Variants in WDR59 observed in about 807,000 individuals in gnomAD.
WDR59 encodes the protein GATOR2 complex protein WDR59.
In WDR59, 100 loss-of-function variants were observed where a neutral mutation model predicts 131.2. That is an observed-to-expected ratio of 0.76 (90% CI 0.65 to 0.90). The LOEUF (loss-of-function observed/expected upper bound fraction) is 0.90, where lower values mean the gene tolerates loss of function less well. WDR59 is among the 40% of genes least tolerant of loss of function. The probability of loss-of-function intolerance (pLI) is 0.00; values close to 1 mark genes in which losing one functional copy is unlikely to be tolerated. For missense variants in WDR59, 1,203 were observed against 1,262.2 expected, an observed-to-expected ratio of 0.95 and a Z score of 0.71; for synonymous variants, 601 against 466.2, an observed-to-expected ratio of 1.29 and a Z score of -3.72.
intron 8 of WDR59, among the ~76,000 whole-genome samples, chr16:74,924,385 C>T (rs1397744458): frequency 6.6e-6 from 1 of 152,148 alleles, no homozygotes; most frequent in Non-Finnish European, 1.5e-5. Context: ...ACATTTCAGA[C>T]ATATATTTAG....
chr16:74,965,381 A>C (rs908536155), intron 2 of WDR59, among the ~76,000 whole-genome samples: 1 of 152,192 alleles, frequency 6.6e-6, no homozygotes, highest in African/African-American at 2.4e-5. Flanking sequence ...AAACTGAATA[A>C]ATGTCCAGGG....
At chr16:74,950,474 G>A (rs1256653387) in intron 4 of WDR59, among the ~76,000 whole-genome samples, 4 of 152,184 alleles carry the variant, frequency 2.6e-5, no homozygotes, top group Admixed American at 2.6e-4. Context: ...TTAAGCAGCG[G>A]CAAACTGCCA....
intron 1 of WDR59, among the ~76,000 whole-genome samples, chr16:74,975,318 G>A (rs768123924): frequency 2.0e-5 from 3 of 152,072 alleles, no homozygotes; most frequent in Non-Finnish European, 4.4e-5. Context: ...CCTATATCGC[G>A]CCACTGCACT....
At chr16:74,938,083 G>C in intron 8 of WDR59, 67 bp downstream of exon 8, 2 of 1,119,302 alleles carry the variant, frequency 1.8e-6, no homozygotes, top group Non-Finnish European at 2.5e-6. Context: ...TCCAACCAAG[G>C]TGGAATCATA....
chr16:74,907,053 G>A (rs551552717), intron 17 of WDR59, among the ~76,000 whole-genome samples: 1 of 152,244 alleles, frequency 6.6e-6, no homozygotes, highest in South Asian at 2.1e-4. Context: ...GAGAATACAG[G>A]ACTGTTTTCT....
At chr16:74,954,865 G>C (rs2033202947) in intron 3 of WDR59, among the ~76,000 whole-genome samples, 3 of 152,150 alleles carry the variant, frequency 2.0e-5, no homozygotes, top group Admixed American at 1.3e-4. Context: ...AGACACAAAA[G>C]GCCACTTGTT....
At chr16:74,959,528 C>G in intron 2 of WDR59, 1 of 452,904 alleles carries the variant, frequency 2.2e-6, no homozygotes, top group East Asian at 7.2e-5. Flanking sequence ...TGCTGCAGGC[C>G]GAGGCAGAAG....
intron 2 of WDR59, among the ~76,000 whole-genome samples, chr16:74,963,755 T>A (rs976453437): frequency 3.9e-5 from 6 of 151,954 alleles, no homozygotes; most frequent in South Asian, 2.1e-4. Flanking sequence ...TTAAATTAAA[T>A]TTTTTTTAAA....
At chr16:74,977,335 T>C (rs2034226717) in intron 1 of WDR59, among the ~76,000 whole-genome samples, 1 of 152,040 alleles carries the variant, frequency 6.6e-6, no homozygotes, top group Admixed American at 6.6e-5. Context: ...ATTTACAATA[T>C]ATATAACCAT....
chr16:74,901,740 G>A (rs1349998864), intron 18 of WDR59, among the ~76,000 whole-genome samples: 1 of 151,950 alleles, frequency 6.6e-6, no homozygotes, highest in African/African-American at 2.4e-5. Flanking sequence ...CAACAAAAGT[G>A]ACATCATTTG....
At chr16:74,925,497 T>C (rs989173200) in intron 8 of WDR59, among the ~76,000 whole-genome samples, 13 of 138,984 alleles carry the variant, frequency 9.4e-5, no homozygotes, top group African/African-American at 3.2e-4. Flanking sequence ...TGAGCCAAGA[T>C]GGCAACACTG....
chr16:74,914,795 T>A (rs1422751295), intron 13 of WDR59, among the ~76,000 whole-genome samples: 1 of 152,164 alleles, frequency 6.6e-6, no homozygotes, highest in Non-Finnish European at 1.5e-5. Context: ...GGTTTTACCA[T>A]GTTGGCCAAG....
chr16:74,891,017 G>A (rs1164934143), intron 20 of WDR59, among the ~76,000 whole-genome samples: 1 of 151,768 alleles, frequency 6.6e-6, no homozygotes, highest in Non-Finnish European at 1.5e-5. Flanking sequence ...GGGAGGCTGA[G>A]GCAGAAGAAT....
intron 2 of WDR59, chr16:74,959,618 T>C: frequency 2.4e-6 from 1 of 421,094 alleles, no homozygotes; most frequent in Non-Finnish European, 4.7e-6. Flanking sequence ...AAAATTATAA[T>C]AAAATAAAAT....
intron 7 of WDR59, among the ~76,000 whole-genome samples, chr16:74,942,304 G>C (rs1164508410): frequency 1.3e-5 from 2 of 152,090 alleles, no homozygotes; most frequent in East Asian, 1.9e-4. Flanking sequence ...GAAGTATTCA[G>C]GATGGCAGGC....
At chr16:74,953,609 C>T (rs1163467217) in intron 3 of WDR59, among the ~76,000 whole-genome samples, 2 of 151,968 alleles carry the variant, frequency 1.3e-5, no homozygotes, top group African/African-American at 4.8e-5. Context: ...GGGAAGAAAA[C>T]ATTTGCAAAT....
intron 20 of WDR59, among the ~76,000 whole-genome samples, chr16:74,891,601 A>G (rs184660593): frequency 2.6e-5 from 4 of 152,344 alleles, no homozygotes; most frequent in Non-Finnish European, 4.4e-5. Flanking sequence ...TCTTTGCAAA[A>G]CAGTAAACAT....
chr16:74,888,408 G>T, intron 21 of WDR59, 89 bp from the exon 22 acceptor site: 2 of 1,341,544 alleles, frequency 1.5e-6, no homozygotes, highest in South Asian at 1.4e-5. Flanking sequence ...ACTGCCACAG[G>T]GGTGGGAAGG....
chr16:74,948,390 G>T, intron 6 of WDR59, 129 bp downstream of exon 6: 2 of 884,094 alleles, frequency 2.3e-6, no homozygotes, highest in South Asian at 1.5e-5. Flanking sequence ...ACTCAGCCAC[G>T]GCGCAGCCCA....
Sources: allele counts gnomAD v4.1 joint callset (sites outside exome capture counted in the v4.1 genomes callset), GRCh38; gene constraint gnomAD v4.1.1; transcripts MANE v1.5; gene names NCBI Gene and HGNC (gene_info 2026-07-23, HGNC 2026-07-21).